STX8: variants seen among roughly 807,000 people sequenced by gnomAD.
STX8 encodes the protein syntaxin 8.
In STX8, 23 loss-of-function variants were observed where a neutral mutation model predicts 37.5. The ratio of observed to expected loss-of-function variants is 0.61; its 90% CI spans 0.44 to 0.87. The LOEUF is 0.87. STX8 is among the 40% of genes least tolerant of loss of function. The pLI, the probability that STX8 is intolerant of heterozygous loss-of-function variation, is 0.00. For missense variants in STX8, 313 were observed against 284.7 expected (o/e 1.10, Z -0.71); for synonymous variants, 115 against 99.1 (o/e 1.16, Z -0.95).
intron 6 of STX8, among the ~76,000 whole-genome samples, chr17:9,393,766 T>C (rs1452200637): frequency 6.6e-6 from 1 of 152,214 alleles, no homozygotes; most frequent in Non-Finnish European, 1.5e-5. Flanking sequence ...TATGACATTA[T>C]CCCAAAGACA....
chr17:9,409,396 A>G (rs919405664), intron 6 of STX8, among the ~76,000 whole-genome samples: 1 of 152,164 alleles, frequency 6.6e-6, no homozygotes, highest in Non-Finnish European at 1.5e-5. Context: ...CAGGACACTC[A>G]ATTATGTCTT....
chr17:9,415,650 T>C (rs1197210554), intron 6 of STX8, among the ~76,000 whole-genome samples: 2 of 152,066 alleles, frequency 1.3e-5, no homozygotes, highest in Non-Finnish European at 2.9e-5. Flanking sequence ...GCGCCTGTAG[T>C]CCCAGCTACT....
intron 7 of STX8, among the ~76,000 whole-genome samples, chr17:9,292,292 TG>T (rs1353642897): frequency 6.6e-6 from 1 of 152,232 alleles, no homozygotes; most frequent in African/African-American, 2.4e-5. Context: ...GTCTCCACCG[TG>T]GGGCCTGTCC....
chr17:9,444,944 T>C (rs1234481572), intron 6 of STX8, among the ~76,000 whole-genome samples: 1 of 152,190 alleles, frequency 6.6e-6, no homozygotes, highest in Non-Finnish European at 1.5e-5. Context: ...TAACACAGAT[T>C]GATCACCAGC....
At chr17:9,550,750 T>A (rs113809229) in intron 3 of STX8, among the ~76,000 whole-genome samples, 3,738 of 152,252 alleles carry the variant, frequency 0.025, 75 homozygotes, top group Middle Eastern at 0.041. Flanking sequence ...CCACTCCAGC[T>A]CCTGGATTTT....
intron 7 of STX8, among the ~76,000 whole-genome samples, chr17:9,359,620 G>A (rs537596515): frequency 3.4e-5 from 5 of 147,010 alleles, no homozygotes; most frequent in Middle Eastern, 3.3e-3. Flanking sequence ...CCATTCTCCC[G>A]CCTCAGCCTC....
intron 6 of STX8, among the ~76,000 whole-genome samples, chr17:9,423,566 C>A (rs574899365): frequency 1.3e-5 from 2 of 152,156 alleles, no homozygotes; most frequent in African/African-American, 4.8e-5. Context: ...CCTTGTCATC[C>A]GCCCGCTTCA....
At chr17:9,414,954 C>A (rs1200569294) in intron 6 of STX8, among the ~76,000 whole-genome samples, 1 of 152,114 alleles carries the variant, frequency 6.6e-6, no homozygotes, top group East Asian at 1.9e-4. Flanking sequence ...CCATGCCCAG[C>A]TAATTTTTGT....
At position 9,479,878 on chromosome 17, in the gene STX8, G is replaced by A. The variant is rs530764847; in HGVS notation, c.541+11951C>T. Among the ~76,000 whole-genome samples the A allele has an allele frequency of 1.1e-4, 16 of 151,906 alleles. No homozygotes were observed. The South Asian group carries it at 3.3e-3, about 32-fold the overall frequency. On this transcript the variant is annotated intron_variant, in intron 6 of 7. Coordinates refer to ENST00000306357, the MANE Select transcript of STX8 (RefSeq NM_004853.3). ...CTCCTGCCCATGCTCTCTAGACCCT[G>A]GGTACACTGACTGACTGGCCTTCTC...
chr17:9,251,646 G>A (rs1370936149), intron 7 of STX8, among the ~76,000 whole-genome samples: 3 of 152,206 alleles, frequency 2.0e-5, no homozygotes, highest in African/African-American at 7.2e-5. Flanking sequence ...ACTGCTGAAC[G>A]CCACGGTAGT....
chr17:9,322,382 T>A (rs990078812), intron 7 of STX8, among the ~76,000 whole-genome samples: 1 of 152,212 alleles, frequency 6.6e-6, no homozygotes, highest in Non-Finnish European at 1.5e-5. Flanking sequence ...CTCAAGGATT[T>A]GCACAGCAGA....
Position 9,333,852 on chromosome 17 carries a change from T to C in STX8, c.643+44700A>G, listed in dbSNP as rs148261883. On this transcript the variant is annotated intron_variant, in intron 7 of 7. Coordinates refer to ENST00000306357, the MANE Select transcript of STX8 (RefSeq NM_004853.3). ...GCTCAATGGGTTCACCTTACCCAATTTGTAACTGCCCAGTGGGTTCACCTT... is the reference window on the plus strand; with the variant it reads ...GCTCAATGGGTTCACCTTACCCAATCTGTAACTGCCCAGTGGGTTCACCTT... 1.4e-4 allele frequency among the ~76,000 whole-genome samples: 21 copies of C among 152,282 alleles called. No individual in the cohort carries two copies. In the East Asian group the frequency reaches 3.9e-3, roughly 28 times the overall value.
intron 7 of STX8, among the ~76,000 whole-genome samples, chr17:9,348,280 G>A (rs914779462): frequency 3.3e-5 from 5 of 151,758 alleles, no homozygotes; most frequent in Admixed American, 1.3e-4. Flanking sequence ...TTAGCCAGGC[G>A]TGGTGCGGAC....
chr17:9,376,485 T>C (rs1003254924), intron 7 of STX8, among the ~76,000 whole-genome samples: 8 of 149,970 alleles, frequency 5.3e-5, no homozygotes, highest in Non-Finnish European at 1.2e-4. Context: ...CTCTGTAAAA[T>C]AGACCAATCA....
At chr17:9,407,400 T>C (rs753463232) in intron 6 of STX8, among the ~76,000 whole-genome samples, 11 of 151,896 alleles carry the variant, frequency 7.2e-5, no homozygotes, top group Non-Finnish European at 1.6e-4. Context: ...AAGGAGAGCT[T>C]GAATTAAAAA....
intron 6 of STX8, among the ~76,000 whole-genome samples, chr17:9,432,426 A>G (rs1353594050): frequency 2.0e-5 from 3 of 152,206 alleles, no homozygotes; most frequent in Non-Finnish European, 2.9e-5. Flanking sequence ...CAACTTAGAC[A>G]CATGGAAAAG....
chr17:9,274,118 T>C (rs2142142831), intron 7 of STX8, among the ~76,000 whole-genome samples: 1 of 152,240 alleles, frequency 6.6e-6, no homozygotes, highest in African/African-American at 2.4e-5. Context: ...TTATGAAAAG[T>C]GTCAAATGTG....
chr17:9,545,706 G>A (rs1035927846), intron 3 of STX8, among the ~76,000 whole-genome samples: 4 of 152,098 alleles, frequency 2.6e-5, no homozygotes, highest in African/African-American at 4.8e-5. Flanking sequence ...TCAGCCTCCC[G>A]AGTAGCTGGG....
intron 6 of STX8, among the ~76,000 whole-genome samples, chr17:9,488,181 C>T (rs1906686118): frequency 6.6e-6 from 1 of 152,098 alleles, no homozygotes. Flanking sequence ...ACAAAATTAG[C>T]TGGGCATGGT....
Sources: gnomAD v4.1 joint callset for allele counts (sites outside exome capture counted in the v4.1 genomes callset) on GRCh38, gnomAD v4.1.1 for gene constraint, MANE v1.5 for transcripts, NCBI Gene and HGNC (gene_info 2026-07-23, HGNC 2026-07-21) for gene names.